The following XAB2 variants were observed in gnomAD, a reference collection of about 807,000 sequenced individuals.
The protein encoded by XAB2 is XPA binding protein 2, also known as pre-mRNA-splicing factor SYF1.
A neutral mutation model predicts 113.4 loss-of-function variants in XAB2; 57 were observed. That is an observed-to-expected ratio of 0.50 (90% CI 0.41 to 0.63). The LOEUF (loss-of-function observed/expected upper bound fraction) is 0.63. XAB2 is among the 20% of genes least tolerant of loss of function. The pLI is 0.00. For missense variants in XAB2, 1,037 were observed against 1,233.3 expected, an observed-to-expected ratio of 0.84 and a Z score of 2.38; for synonymous variants, 497 against 498.8, an observed-to-expected ratio of 1.00 and a Z score of 0.05.
In XAB2 at chr19:7,619,862, G is replaced by A. The variant is rs762556810; in HGVS notation, c.2397-6C>T. 18 of 1,611,298 alleles carry A rather than the reference G, an allele frequency of 1.1e-5. No homozygotes were observed. Among genetic ancestry groups the A allele is most frequent in the Admixed American group, 3.3e-5 (2 of 59,990 alleles). The stretch of plus-strand genomic sequence containing the variant: ...CCTCCCGGGAGGCGTCACTCCTAGG[G>A]ACGGGCCATGCTGCCTCAGTTCCCC... On this transcript the variant is annotated splice_region_variant and splice_polypyrimidine_tract_variant and intron_variant, in intron 17 of 18. Transcript: ENST00000358368.
chr19:7,623,041 T>A lies in XAB2; in HGVS notation c.1239+129A>T. 3.9e-6 allele frequency: 6 copies of A among 1,540,054 alleles called. No homozygotes were observed. Among genetic ancestry groups the A allele is most frequent in the Non-Finnish European group, 5.3e-6 (6 of 1,142,446 alleles). On this transcript the variant is annotated intron_variant, in intron 9 of 18. Transcript: ENST00000358368. This position sits in a 1 kb window ranked among gnomAD's most constrained non-coding sequence, Gnocchi z 4.6. ...GCACACACATGCGTGCACATATGCA[T>A]GCACCCAAATGCACATGCACACACA...
At chr19:7,626,378 G>A (rs1278917933) in intron 4 of XAB2, 108 bp from the exon 5 acceptor site, 5 of 1,488,510 alleles carry the variant, frequency 3.4e-6, no homozygotes, top group East Asian at 2.3e-5. Context: ...TGAGTGTCTT[G>A]GGCAAAAGCA....
chr19:7,622,390 T>C lies in XAB2; in HGVS notation c.1558A>G (p.Ile520Val), dbSNP rs765067758. The C allele has an allele frequency of 3.1e-6, 5 of 1,614,180 alleles. No homozygotes were observed. The highest frequency in any genetic ancestry group is 1.1e-5 in the South Asian group (1 of 91,082). ...AGGAACATGGCATAGTTGATGACGATCTGGGGTGTTGCGATACGCAGGTCC... is the reference window on the plus strand; with the variant it reads ...AGGAACATGGCATAGTTGATGACGACCTGGGGTGTTGCGATACGCAGGTCC... ...ILDLRIATPQ[I>V]VINYAMFLEE... Residue 520 changes from isoleucine (I) to valine (V), a missense_variant, in exon 12 of 19, where the codon ATC becomes GTC. Transcript: ENST00000358368.
Position 7,622,643 on chromosome 19 carries a change from C to A in XAB2, c.1390G>T (p.Ala464Ser), listed in dbSNP as rs1352788499. The A allele has an allele frequency of 6.2e-7, 1 of 1,611,472 alleles. No individual in the cohort carries two copies. Among genetic ancestry groups the A allele is most frequent in the Admixed American group, 1.7e-5 (1 of 60,028 alleles). ...RLLRKATALP[A>S]RRAEYFDGSE... ...CCATCAAAGTACTCGGCCCGGCGGG[C>A]AGGCAGCGCCGTGGCCTTCTGCAGG... The change falls in exon 11 of 19, where the codon GCC becomes TCC. Residue 464 changes from alanine to serine, a missense_variant. Physicochemically the swap from Ala to Ser is moderately conservative, Grantham distance 99 (BLOSUM62 1). Coordinates refer to ENST00000358368, the MANE Select transcript of XAB2 (RefSeq NM_020196.3).
chr19:7,620,123 CATCGGACGTTGCACT>C, intron 16 of XAB2, 48 bp from the exon 17 acceptor site: 1 of 1,601,304 alleles, frequency 6.2e-7, no homozygotes, highest in Non-Finnish European at 8.5e-7. Flanking sequence ...CCCTCCCACA[CATCGGACGTTGCACT>C]ATCCCAGTCC....
At position 7,622,596 on chromosome 19, in the gene XAB2, G is replaced by A. The variant is rs748725434; in HGVS notation, c.1437C>T (p.Arg479=). ...YFDGSEPVQN[R]VYKSLKVWSM... ...ACCAGACCTTCAGTGACTTGTACACGCGGTTCTGCACGGGCTCTGAACCAT... is the reference window on the plus strand; with the variant it reads ...ACCAGACCTTCAGTGACTTGTACACACGGTTCTGCACGGGCTCTGAACCAT... Residue 479 remains arginine, a synonymous_variant, in exon 11 of 19, where the codon CGC becomes CGT. Transcript: ENST00000358368. The A allele has an allele frequency of 6.2e-6, 10 of 1,612,820 alleles. No individual in the cohort carries two copies. The highest frequency in any genetic ancestry group is 3.3e-5 in the Admixed American group (2 of 60,006).
rs751858789 is a variant in XAB2, at chr19:7,622,636, C to A, written c.1397G>T (p.Arg466Leu). 6.2e-7 allele frequency: 1 copy of A among 1,611,714 alleles called. No individual in the cohort carries two copies. The highest frequency in any genetic ancestry group is 2.2e-5 in the East Asian group (1 of 44,884). Residue 466 changes from arginine to leucine, a missense_variant, in exon 11 of 19, where the codon CGG (arginine) becomes CTG (leucine). Physicochemically the swap from Arg to Leu is moderately radical, Grantham distance 102 (BLOSUM62 -2). Coordinates refer to ENST00000358368, the MANE Select transcript of XAB2 (RefSeq NM_020196.3). ...CTCTGAACCATCAAAGTACTCGGCC[C>A]GGCGGGCAGGCAGCGCCGTGGCCTT... ...LRKATALPAR[R>L]AEYFDGSEPV...
In XAB2 at chr19:7,619,591, C is replaced by G; in HGVS notation, c.2563G>C (p.Asp855His). The G allele has an allele frequency of 2.5e-6, 4 of 1,593,206 alleles. No individual in the cohort carries two copies. Among genetic ancestry groups the G allele is most frequent in the Non-Finnish European group, 3.4e-6 (4 of 1,169,928 alleles). ...GGGGATGGGGGAGGGACGGGTCAGTCTTCCTTCAGGCTCCCAAACACTGCG... is the reference window on the plus strand; with the variant it reads ...GGGGATGGGGGAGGGACGGGTCAGTGTTCCTTCAGGCTCCCAAACACTGCG... Reference protein sequence around the residue: ...PAAVFGSLKED With the variant: ...PAAVFGSLKEH Residue 855 changes from aspartate (D) to histidine (H), a missense_variant, in exon 19 of 19, where the codon GAC becomes CAC. Physicochemically the swap from Asp to His is moderately conservative, Grantham distance 81 (BLOSUM62 -1). Coordinates refer to ENST00000358368, the MANE Select transcript of XAB2 (RefSeq NM_020196.3).
chr19:7,620,151 C>G (rs2030998856), intron 16 of XAB2, 76 bp from the exon 17 acceptor site: 2 of 1,593,074 alleles, frequency 1.3e-6, no homozygotes, highest in Non-Finnish European at 1.7e-6. Flanking sequence ...CCCAGTCCCC[C>G]AGGTGATGGC....
At position 7,627,612 on chromosome 19, in the gene XAB2, C is replaced by G; in HGVS notation, c.324+116G>C. On this transcript the variant is annotated intron_variant, in intron 3 of 18. Transcript: ENST00000358368. This position sits in a 1 kb window ranked among gnomAD's most constrained non-coding sequence, Gnocchi z 4.5. ...CAGCCCAACTTCCCATGCAAAGAAG[C>G]AACAGGAATCCAAGCCCCCATCCCT... is the stretch of plus-strand genomic sequence containing the variant. 1 of 1,545,260 alleles carries G rather than the reference C, an allele frequency of 6.5e-7. No homozygotes were observed. The highest frequency in any genetic ancestry group is 2.3e-5 in the East Asian group (1 of 44,338).
At chr19:7,620,145 G>C in intron 16 of XAB2, 70 bp from the exon 17 acceptor site, 1 of 1,594,340 alleles carries the variant, frequency 6.3e-7, no homozygotes, top group Non-Finnish European at 8.5e-7. Context: ...CACTATCCCA[G>C]TCCCCCAGGT....
At position 7,624,323 on chromosome 19, in the gene XAB2, C is replaced by T. The variant is rs144911922; in HGVS notation, c.945G>A (p.Ser315=). The T allele has an allele frequency of 2.7e-4, 439 of 1,613,934 alleles. 4 individuals carry two copies. The East Asian group carries it at 7.2e-3, about 27-fold the overall frequency. The change falls in exon 7 of 19, where the codon TCG becomes TCA. Residue 315 remains serine (S), a synonymous_variant. Transcript: ENST00000358368. This position sits in a 1 kb window ranked among gnomAD's most constrained non-coding sequence, Gnocchi z 4.2. ...SMIAAKMETA[S]ELGREEEDDV... ...CACCCTCCTCCTCGCGCCCCAGCTC[C>T]GAGGCGGTCTCCATCTTTGCAGCGA...
In XAB2 at chr19:7,624,580, G is replaced by A. The variant is rs2031101591; in HGVS notation, c.823-135C>T. The A allele has an allele frequency of 1.5e-6, 2 of 1,332,066 alleles. No homozygotes were observed. Among genetic ancestry groups the A allele is most frequent in the Non-Finnish European group, 1.0e-6 (1 of 972,674 alleles). 82.5% of individuals were successfully genotyped at this position (1,332,066 alleles called of 1,614,324 possible). On this transcript the variant is annotated intron_variant, in intron 6 of 18. Transcript: ENST00000358368. This position sits in a 1 kb window ranked among gnomAD's most constrained non-coding sequence, Gnocchi z 4.2. ...GACGCATCCAGCACCTCTGGGTAGT[G>A]ACCCCAGGACAGAGCCTCCGTGGAG... is the stretch of plus-strand genomic sequence containing the variant.
chr19:7,621,323 TGA>T (rs1599370539), intron 12 of XAB2, 26 bp from the exon 13 acceptor site: 1 of 1,609,270 alleles, frequency 6.2e-7, no homozygotes. Flanking sequence ...GAGTCACATG[TGA>T]GAGTCTGCAG....
At position 7,625,829 on chromosome 19, in the gene XAB2, G is replaced by A. The variant is rs758068428; in HGVS notation, c.822+51C>T. On this transcript the variant is annotated intron_variant, in intron 6 of 18. Coordinates refer to ENST00000358368, the MANE Select transcript of XAB2 (RefSeq NM_020196.3). This position sits in a 1 kb window ranked among gnomAD's most constrained non-coding sequence, Gnocchi z 5.2. ...CATGTGTCAACATGTGTCCCCGAGT[G>A]TCGGAGGGAGACCCCGCCCCGAACC... is the stretch of plus-strand genomic sequence containing the variant. 1.7e-5 allele frequency: 26 copies of A among 1,554,890 alleles called. No homozygotes were observed. The highest frequency in any genetic ancestry group is 2.2e-5 in the Non-Finnish European group (25 of 1,146,550).
chr19:7,621,267 A>G lies in XAB2; in HGVS notation c.1648T>C (p.Trp550Arg), dbSNP rs773642138. Reference sequence around the variant, plus strand: ...CTCCAGATGTCGGACACGTTGGGCCACTTGAACAGCGAGATGCCGCGCTCG... The same window carrying G: ...CTCCAGATGTCGGACACGTTGGGCCGCTTGAACAGCGAGATGCCGCGCTCG... ...AYERGISLFK[W>R]PNVSDIWSTY... Residue 550 changes from tryptophan (W) to arginine (R), a missense_variant, in exon 13 of 19, where the codon TGG becomes CGG. Transcript: ENST00000358368. 1 of 1,612,908 alleles carries G rather than the reference A, an allele frequency of 6.2e-7. No individual in the cohort carries two copies. The highest frequency in any genetic ancestry group is 1.7e-5 in the Admixed American group (1 of 60,000).
In XAB2 at chr19:7,628,953, T is replaced by A. The variant is rs4134814; in HGVS notation, c.51+524A>T. Among the ~76,000 whole-genome samples the A allele has an allele frequency of 0.028, 4,284 of 152,272 alleles. 175 individuals are homozygous for A. Among genetic ancestry groups the A allele is most frequent in the Admixed American group, 0.12 (1,773 of 15,290 alleles). The stretch of plus-strand genomic sequence containing the variant: ...GCACACCAAGAATCTGGTGAAGATG[T>A]CACGCCTCTACTCCAGAGAGTAAGT... On this transcript the variant is annotated intron_variant, in intron 1 of 18. Coordinates refer to ENST00000358368, the MANE Select transcript of XAB2 (RefSeq NM_020196.3). This position sits in a 1 kb window ranked among gnomAD's most constrained non-coding sequence, Gnocchi z 4.6.
At chr19:7,622,265 T>C (rs1279453501) in intron 12 of XAB2, 66 bp downstream of exon 12, 11 of 1,471,326 alleles carry the variant, frequency 7.5e-6, no homozygotes, top group South Asian at 2.3e-5. Context: ...GATTCGTAAG[T>C]TGCTGAGGAC....
chr19:7,620,473 G>T, intron 15 of XAB2, 27 bp from the exon 16 acceptor site: 1 of 1,608,214 alleles, frequency 6.2e-7, no homozygotes. Context: ...GCAGGGGTGG[G>T]TGTGTGTGCC....
Sources: allele counts gnomAD v4.1 joint callset (sites outside exome capture counted in the v4.1 genomes callset), GRCh38; gene constraint gnomAD v4.1.1; non-coding constraint Gnocchi (gnomAD v3.1); transcripts MANE v1.5; gene names NCBI Gene and HGNC (gene_info 2026-07-23, HGNC 2026-07-21).